CELF4: variants seen among roughly 807,000 people sequenced by gnomAD.
The protein encoded by CELF4 is CUGBP Elav-like family member 4.
A neutral mutation model predicts 59.9 loss-of-function variants in CELF4; 18 were observed. The observed-to-expected ratio is 0.30, with a 90% confidence interval of 0.21 to 0.45. CELF4 has a LOEUF of 0.45. CELF4 is among the 20% of genes least tolerant of loss of function. The probability of loss-of-function intolerance (pLI) is 1.00; values close to 1 mark genes in which losing one functional copy is unlikely to be tolerated. For synonymous variants in CELF4, 261 were observed against 267.1 expected, an observed-to-expected ratio of 0.98 and a Z score of 0.22; for missense variants, 456 against 689.0, an observed-to-expected ratio of 0.66 and a Z score of 3.79.
intron 2 of CELF4, among the ~76,000 whole-genome samples, chr18:37,408,789 C>G (rs2099410614): frequency 6.6e-6 from 1 of 152,154 alleles, no homozygotes; most frequent in African/African-American, 2.4e-5. Flanking sequence ...TGGTCCTGTC[C>G]CACCACCCAG....
At chr18:37,547,559 A>G (rs971933689) in intron 1 of CELF4, among the ~76,000 whole-genome samples, 2 of 152,192 alleles carry the variant, frequency 1.3e-5, no homozygotes, top group Admixed American at 6.5e-5. Context: ...TGGTTAGACG[A>G]ACAGAAATTT....
chr18:37,426,434 CAG>C (rs2099613139), intron 2 of CELF4, among the ~76,000 whole-genome samples: 1 of 152,178 alleles, frequency 6.6e-6, no homozygotes, highest in African/African-American at 2.4e-5. Flanking sequence ...TGTCCTGTGA[CAG>C]AGCCTTACAG....
At position 37,314,167 on chromosome 18, in the gene CELF4, G is replaced by A. The variant is rs189812821; in HGVS notation, c.448+7636C>T. On this transcript the variant is annotated intron_variant, in intron 3 of 12. Coordinates refer to ENST00000420428, the MANE Select transcript of CELF4 (RefSeq NM_020180.4). ...AGGGAGGGAAGAAACACTGGCTTCC[G>A]GCCACACGGTGGCTCACGCCTATAA... Among the ~76,000 whole-genome samples, 500 of 152,222 alleles carry A rather than the reference G, an allele frequency of 3.3e-3. 13 individuals carry two copies. The highest frequency in any genetic ancestry group is 0.02 in the Admixed American group (304 of 15,284).
intron 1 of CELF4, among the ~76,000 whole-genome samples, chr18:37,495,357 C>T (rs891270410): frequency 2.0e-5 from 3 of 152,132 alleles, no homozygotes; most frequent in African/African-American, 7.2e-5. Context: ...CACCTCCCTC[C>T]TCTCCAACAG....
intron 3 of CELF4, among the ~76,000 whole-genome samples, chr18:37,304,549 CAA>C (rs2096274671): frequency 6.9e-6 from 1 of 144,570 alleles, no homozygotes; most frequent in African/African-American, 2.6e-5. Context: ...GAATGAAGAA[CAA>C]AGAGCCAAGA....
intron 2 of CELF4, among the ~76,000 whole-genome samples, chr18:37,439,934 A>C (rs2099707123): frequency 6.6e-6 from 1 of 152,102 alleles, no homozygotes; most frequent in Middle Eastern, 3.2e-3. Context: ...CATGAACACT[A>C]CAGGGTCCTG....
chr18:37,395,806 C>T (rs970445892), intron 2 of CELF4, among the ~76,000 whole-genome samples: 65 of 152,296 alleles, frequency 4.3e-4, no homozygotes, highest in African/African-American at 1.5e-3. Context: ...CACATGGCAG[C>T]CAGAGGAGAA....
intron 2 of CELF4, among the ~76,000 whole-genome samples, chr18:37,379,471 T>G (rs893798230): frequency 3.4e-5 from 4 of 117,950 alleles, no homozygotes; most frequent in Non-Finnish European, 6.4e-5. Context: ...ACCTTCATAA[T>G]GGCCAGCTCT....
At chr18:37,351,077 T>C (rs1221236107) in intron 2 of CELF4, among the ~76,000 whole-genome samples, 2 of 152,258 alleles carry the variant, frequency 1.3e-5, no homozygotes, top group Middle Eastern at 3.4e-3. Context: ...GCTCTTCTCA[T>C]TAATATTACA....
intron 10 of CELF4, among the ~76,000 whole-genome samples, chr18:37,262,029 T>C (rs1469409231): frequency 6.6e-6 from 1 of 152,128 alleles, no homozygotes; most frequent in African/African-American, 2.4e-5. Flanking sequence ...CTTGCGCCTG[T>C]CTCTCCCTGG....
chr18:37,253,231 A>C lies in CELF4; in HGVS notation c.*44+536T>G, dbSNP rs912051304. 3.9e-5 allele frequency among the ~76,000 whole-genome samples: 6 copies of C among 152,156 alleles called. No homozygotes were observed. The highest frequency in any genetic ancestry group is 2.0e-4 in the Admixed American group (3 of 15,290). On this transcript the variant is annotated intron_variant, in intron 12 of 12. Coordinates refer to ENST00000420428, the MANE Select transcript of CELF4 (RefSeq NM_020180.4). The surrounding 1 kb of genome is among the most constrained non-coding windows in gnomAD (Gnocchi z 4.5). ...ATCCCATCCTGCTTTGTTTCTTAGT[A>C]AAGTTCCCTTTGAAAGATCCTGTCC...
At chr18:37,477,806 A>G (rs903783476) in intron 2 of CELF4, among the ~76,000 whole-genome samples, 1 of 152,128 alleles carries the variant, frequency 6.6e-6, no homozygotes, top group Non-Finnish European at 1.5e-5. Context: ...CCCACAACCA[A>G]ACTTCGCAGG....
At chr18:37,442,703 TAAG>T (rs943974507) in intron 2 of CELF4, among the ~76,000 whole-genome samples, 2 of 152,178 alleles carry the variant, frequency 1.3e-5, no homozygotes, top group African/African-American at 4.8e-5. Context: ...GGACAGTTGC[TAAG>T]AAGAGGCTCG....
intron 1 of CELF4, among the ~76,000 whole-genome samples, chr18:37,557,669 G>C (rs767129559): frequency 6.6e-6 from 1 of 152,162 alleles, no homozygotes; most frequent in Non-Finnish European, 1.5e-5. Context: ...GTCCAGAGCC[G>C]GCCTTCGGAA....
At chr18:37,361,258 T>G (rs1187619319) in intron 2 of CELF4, among the ~76,000 whole-genome samples, 1 of 152,216 alleles carries the variant, frequency 6.6e-6, no homozygotes, top group Non-Finnish European at 1.5e-5. Context: ...AACCAAGAGC[T>G]AAACTTGGGT....
intron 2 of CELF4, among the ~76,000 whole-genome samples, chr18:37,361,922 A>C (rs1438788205): frequency 2.0e-5 from 3 of 152,180 alleles, no homozygotes; most frequent in Admixed American, 2.0e-4. Context: ...GCAGGAGGGA[A>C]GACCAAAAGA....
At chr18:37,434,239 A>G (rs993461091) in intron 2 of CELF4, among the ~76,000 whole-genome samples, 1 of 152,226 alleles carries the variant, frequency 6.6e-6, no homozygotes, top group Non-Finnish European at 1.5e-5. Context: ...TAGCTGCCCA[A>G]TGAGGAGTAC....
chr18:37,449,788 G>A (rs1474762037), intron 2 of CELF4, among the ~76,000 whole-genome samples: 1 of 152,204 alleles, frequency 6.6e-6, no homozygotes, highest in Non-Finnish European at 1.5e-5. Flanking sequence ...CCAGGCATAG[G>A]CAGAGCACAT....
intron 2 of CELF4, among the ~76,000 whole-genome samples, chr18:37,340,446 T>TA (rs1337020887): frequency 6.6e-6 from 1 of 152,242 alleles, no homozygotes; most frequent in African/African-American, 2.4e-5. Flanking sequence ...GGGGAGCCTG[T>TA]AGGTTCTCTG....
Sources: allele counts gnomAD v4.1 joint callset (sites outside exome capture counted in the v4.1 genomes callset), GRCh38; gene constraint gnomAD v4.1.1; non-coding constraint Gnocchi (gnomAD v3.1); transcripts MANE v1.5; gene names NCBI Gene and HGNC (gene_info 2026-07-23, HGNC 2026-07-21).